The following TMEFF1 variants were observed in gnomAD, a reference collection of about 807,000 sequenced individuals.
TMEFF1 encodes transmembrane protein with EGF like and two follistatin like domains 1.
Under a neutral mutation model 47.5 loss-of-function variants are expected in TMEFF1, and 20 were observed. The observed-to-expected ratio is 0.42, with a 90% CI of 0.30 to 0.61. The LOEUF (loss-of-function observed/expected upper bound fraction) is 0.61, where lower values mean the gene tolerates loss of function less well. TMEFF1 is among the 20% of genes least tolerant of loss of function. The probability of loss-of-function intolerance (pLI) is 0.19; values close to 1 mark genes in which losing one functional copy is unlikely to be tolerated. For missense variants in TMEFF1, 411 were observed against 471.1 expected (o/e 0.87, Z 1.18); for synonymous variants, 162 against 166.3 (o/e 0.97, Z 0.20).
chr9:100,575,670 A>C (rs554067153), intron 9 of TMEFF1, among the ~76,000 whole-genome samples: 1 of 152,316 alleles, frequency 6.6e-6, no homozygotes, highest in South Asian at 2.1e-4. Context: ...ATTAGGTTGT[A>C]AATTTCTTGC....
chr9:100,513,124 C>T (rs1275883129), intron 3 of TMEFF1, among the ~76,000 whole-genome samples, 183 bp from the exon 4 acceptor site: 1 of 151,684 alleles, frequency 6.6e-6, no homozygotes. Flanking sequence ...TGTATCTAAG[C>T]AATTTATATT....
intron 5 of TMEFF1, among the ~76,000 whole-genome samples, chr9:100,541,793 G>C (rs539051835): frequency 1.3e-5 from 2 of 152,086 alleles, no homozygotes; most frequent in South Asian, 4.2e-4. Flanking sequence ...TTATTATGAA[G>C]GGATTTTCTT....
chr9:100,490,865 GTGTGTGTATGTGTGTA>G (rs1554682730), intron 1 of TMEFF1, among the ~76,000 whole-genome samples: 2 of 148,036 alleles, frequency 1.4e-5, no homozygotes, highest in Non-Finnish European at 3.0e-5. Context: ...GTGTGTGTGT[GTGTGTGTATGTGTGTA>G]TGTGTGTATG....
intron 6 of TMEFF1, 63 bp downstream of exon 6, chr9:100,547,955 G>A (rs1362153768): frequency 7.3e-7 from 1 of 1,360,826 alleles, no homozygotes; most frequent in Non-Finnish European, 9.5e-7. Flanking sequence ...AATCTTATTT[G>A]TACATTTGGT....
intron 7 of TMEFF1, among the ~76,000 whole-genome samples, chr9:100,555,516 G>GAC (rs1475763228): frequency 1.3e-5 from 2 of 152,124 alleles, no homozygotes; most frequent in African/African-American, 4.8e-5. Context: ...TTGCTCTCTG[G>GAC]AGTCAGACTT....
intron 5 of TMEFF1, among the ~76,000 whole-genome samples, chr9:100,542,555 T>G (rs923722885): frequency 4.6e-5 from 7 of 152,240 alleles, no homozygotes; most frequent in African/African-American, 1.7e-4. Flanking sequence ...ATGTTCTACC[T>G]TAGCGCATAG....
At chr9:100,524,798 G>C (rs948201015) in intron 5 of TMEFF1, among the ~76,000 whole-genome samples, 2 of 152,082 alleles carry the variant, frequency 1.3e-5, no homozygotes, top group African/African-American at 4.8e-5. Context: ...ACAACGTGCA[G>C]ATTTGTTACA....
chr9:100,511,001 C>T (rs1470552411), intron 3 of TMEFF1, among the ~76,000 whole-genome samples: 1 of 152,138 alleles, frequency 6.6e-6, no homozygotes. Context: ...AAATATCCTT[C>T]TATCAGGTAT....
chr9:100,526,020 A>G (rs1838247722), intron 5 of TMEFF1, among the ~76,000 whole-genome samples: 1 of 152,180 alleles, frequency 6.6e-6, no homozygotes, highest in African/African-American at 2.4e-5. Context: ...AAGGTGTGAG[A>G]TTTTAAAAAC....
chr9:100,532,577 G>A (rs904695662), intron 5 of TMEFF1, among the ~76,000 whole-genome samples: 3 of 152,014 alleles, frequency 2.0e-5, no homozygotes, highest in Admixed American at 2.0e-4. Flanking sequence ...TCATTAAAAA[G>A]TCAGGAAACA....
intron 5 of TMEFF1, among the ~76,000 whole-genome samples, chr9:100,541,988 A>T (rs1158820854): frequency 6.6e-6 from 1 of 152,152 alleles, no homozygotes; most frequent in African/African-American, 2.4e-5. Flanking sequence ...ATTTTTATCC[A>T]GCCAACTACC....
chr9:100,486,389 C>G (rs533329967), intron 1 of TMEFF1, among the ~76,000 whole-genome samples: 3 of 151,382 alleles, frequency 2.0e-5, no homozygotes, highest in Non-Finnish European at 4.4e-5. Context: ...ATTACCGGCG[C>G]GTGCCACCAT....
At chr9:100,490,104 A>G (rs1448835433) in intron 1 of TMEFF1, among the ~76,000 whole-genome samples, 1 of 152,214 alleles carries the variant, frequency 6.6e-6, no homozygotes, top group Non-Finnish European at 1.5e-5. Context: ...AGTTGGCAGT[A>G]GTATGCAAAA....
intron 2 of TMEFF1, among the ~76,000 whole-genome samples, chr9:100,506,784 A>C (rs1315083049): frequency 6.6e-6 from 1 of 151,658 alleles, no homozygotes; most frequent in Non-Finnish European, 1.5e-5. Flanking sequence ...AAAAAAAAAA[A>C]AAAAGTACAG....
chr9:100,534,339 C>T (rs1422251323), intron 5 of TMEFF1, among the ~76,000 whole-genome samples: 3 of 152,058 alleles, frequency 2.0e-5, no homozygotes, highest in Non-Finnish European at 4.4e-5. Context: ...TATTCAGTTT[C>T]TGTATTGATA....
At chr9:100,527,150 A>C (rs572448585) in intron 5 of TMEFF1, among the ~76,000 whole-genome samples, 10 of 152,074 alleles carry the variant, frequency 6.6e-5, no homozygotes, top group South Asian at 6.2e-4. Flanking sequence ...CTTAAAAAAA[A>C]AAAACAAAAC....
chr9:100,541,795 G>T (rs1838638588), intron 5 of TMEFF1, among the ~76,000 whole-genome samples: 1 of 151,956 alleles, frequency 6.6e-6, no homozygotes, highest in African/African-American at 2.4e-5. Context: ...ATTATGAAGG[G>T]ATTTTCTTTA....
intron 8 of TMEFF1, among the ~76,000 whole-genome samples, chr9:100,567,186 C>CT (rs962512853): frequency 6.5e-4 from 99 of 152,318 alleles, no homozygotes; most frequent in Middle Eastern, 3.4e-3. Flanking sequence ...ACTTGCTGTT[C>CT]TTGGGCATGC....
chr9:100,563,225 T>C (rs1206807451), intron 8 of TMEFF1, among the ~76,000 whole-genome samples: 4 of 152,350 alleles, frequency 2.6e-5, no homozygotes, highest in African/African-American at 9.6e-5. Flanking sequence ...AGTGCTAGGA[T>C]TACAGGTGTG....
Sources: allele counts gnomAD v4.1 joint callset (sites outside exome capture counted in the v4.1 genomes callset), GRCh38; gene constraint gnomAD v4.1.1; transcripts MANE v1.5; gene names NCBI Gene and HGNC (gene_info 2026-07-23, HGNC 2026-07-21).